FBXL7: variants seen among roughly 807,000 people sequenced by gnomAD.
The protein encoded by FBXL7 is F-box/LRR-repeat protein 7.
A neutral mutation model predicts 38.3 loss-of-function variants in FBXL7; 12 were observed. The observed-to-expected ratio is 0.31, with a 90% CI of 0.20 to 0.51. The LOEUF is 0.51. FBXL7 is among the 20% of genes least tolerant of loss of function. The probability of loss-of-function intolerance (pLI) is 0.98; values close to 1 mark genes in which losing one functional copy is unlikely to be tolerated. For synonymous variants in FBXL7, 297 were observed against 300.9 expected (o/e 0.99, Z 0.13); for missense variants, 567 against 676.4 (o/e 0.84, Z 1.79).
chr5:15,822,051 C>T (rs1738183098), intron 2 of FBXL7, among the ~76,000 whole-genome samples: 1 of 151,876 alleles, frequency 6.6e-6, no homozygotes, highest in African/African-American at 2.4e-5. Context: ...AATCATGTCC[C>T]CTAAAACATG....
rs78304646 is a variant in FBXL7 at position 15,627,308 on chromosome 5, G to T, written c.127+11236G>T. Among the ~76,000 whole-genome samples the T allele has an allele frequency of 4.7e-3, 715 of 152,260 alleles. 4 individuals are homozygous for T. Among genetic ancestry groups the T allele is most frequent in the African/African-American group, 0.017 (695 of 41,546 alleles). ...GTCTAAAGCAGAAGGGAGTGGGTGT[G>T]GGTTGGAGGAATCAGGACACCCTCA... is the stretch of plus-strand genomic sequence containing the variant. On this transcript the variant is annotated intron_variant, in intron 2 of 3. Transcript: ENST00000504595.
intron 2 of FBXL7, among the ~76,000 whole-genome samples, chr5:15,884,141 C>T (rs2126346332): frequency 6.6e-6 from 1 of 152,312 alleles, no homozygotes; most frequent in African/African-American, 2.4e-5. Context: ...TCTAGGCAGC[C>T]ACCATCTCCC....
intron 2 of FBXL7, among the ~76,000 whole-genome samples, chr5:15,653,238 C>G: frequency 6.6e-6 from 1 of 152,072 alleles, no homozygotes; most frequent in East Asian, 1.9e-4. Flanking sequence ...AAAGTGAATT[C>G]CTGCTGTTGA....
At chr5:15,614,396 A>C (rs1740372723) in intron 1 of FBXL7, among the ~76,000 whole-genome samples, 1 of 151,646 alleles carries the variant, frequency 6.6e-6, no homozygotes, top group Non-Finnish European at 1.5e-5. Context: ...CAGACTCCCG[A>C]GTAGCTAGGA....
chr5:15,625,515 G>A (rs746735251), intron 2 of FBXL7, among the ~76,000 whole-genome samples: 6 of 152,070 alleles, frequency 3.9e-5, no homozygotes, highest in Non-Finnish European at 8.8e-5. Flanking sequence ...TTAGCTGAGT[G>A]TAGTGGCATG....
intron 1 of FBXL7, among the ~76,000 whole-genome samples, chr5:15,611,561 A>G (rs988495786): frequency 1.3e-5 from 2 of 152,140 alleles, no homozygotes; most frequent in Non-Finnish European, 2.9e-5. Flanking sequence ...CCAAATTGAT[A>G]TTGATCAATT....
chr5:15,622,381 C>T (rs2126529188), intron 2 of FBXL7, among the ~76,000 whole-genome samples: 1 of 152,096 alleles, frequency 6.6e-6, no homozygotes, highest in South Asian at 2.1e-4. Context: ...TGGTGTGCTG[C>T]ACCCATTAAC....
rs189070181 is a variant in FBXL7 at position 15,793,460 on chromosome 5, A to G, written c.128-134430A>G. On this transcript the variant is annotated intron_variant, in intron 2 of 3. Transcript: ENST00000504595. ...GATGTCTCTTATAAGGATACTTATT[A>G]TTGGATTTGGGGCCCATTTGGATAA... is the stretch of plus-strand genomic sequence containing the variant. Among the ~76,000 whole-genome samples the G allele has an allele frequency of 4.7e-3, 723 of 152,268 alleles. 4 individuals are homozygous for G. The highest frequency in any genetic ancestry group is 0.016 in the African/African-American group (672 of 41,546).
chr5:15,737,243 A>G (rs2126670587), intron 2 of FBXL7, among the ~76,000 whole-genome samples: 1 of 152,226 alleles, frequency 6.6e-6, no homozygotes, highest in East Asian at 1.9e-4. Context: ...TGTTACAGCT[A>G]ATGGTTTCCA....
intron 1 of FBXL7, among the ~76,000 whole-genome samples, chr5:15,567,249 T>C (rs368030944): frequency 6.6e-6 from 1 of 152,074 alleles, no homozygotes; most frequent in African/African-American, 2.4e-5. Context: ...ATGAAGGGAG[T>C]TATTTTAGTA....
Position 15,590,298 on chromosome 5 carries a change from A to G in FBXL7, c.38-25685A>G, listed in dbSNP as rs1739432550. ...TGGATTTATTGATTTATTTTCAACC[A>G]TCATTGCTACCTCCATAACAGCTTT... On this transcript the variant is annotated intron_variant, in intron 1 of 3. Coordinates refer to ENST00000504595, the MANE Select transcript of FBXL7 (RefSeq NM_012304.5). Among the ~76,000 whole-genome samples the G allele has an allele frequency of 2.0e-5, 3 of 152,186 alleles. No homozygotes were observed. The South Asian group carries it at 6.2e-4, about 32-fold the overall frequency.
intron 2 of FBXL7, among the ~76,000 whole-genome samples, chr5:15,923,403 TATAATA>T (rs1052307186): frequency 6.6e-6 from 1 of 152,222 alleles, no homozygotes; most frequent in African/African-American, 2.4e-5. Flanking sequence ...TGGTACTCTT[TATAATA>T]ATATCTAGTG....
intron 2 of FBXL7, among the ~76,000 whole-genome samples, chr5:15,771,853 C>T (rs776660899): frequency 1.3e-4 from 19 of 150,784 alleles, no homozygotes; most frequent in Admixed American, 5.3e-4. Context: ...CTGAAACTTC[C>T]GCCTGCTGGG....
chr5:15,506,061 A>C (rs1472366426), intron 1 of FBXL7, among the ~76,000 whole-genome samples: 2 of 152,198 alleles, frequency 1.3e-5, no homozygotes, highest in Admixed American at 6.5e-5. Flanking sequence ...TCACAGTTTT[A>C]CGGATAGAAT....
chr5:15,893,724 T>C (rs1741004311), intron 2 of FBXL7, among the ~76,000 whole-genome samples: 1 of 152,246 alleles, frequency 6.6e-6, no homozygotes, highest in Non-Finnish European at 1.5e-5. Flanking sequence ...TATCCAATTG[T>C]GATCAAAATA....
chr5:15,918,058 G>T lies in FBXL7; in HGVS notation c.128-9832G>T, dbSNP rs146827893. On this transcript the variant is annotated intron_variant, in intron 2 of 3. Coordinates refer to ENST00000504595, the MANE Select transcript of FBXL7 (RefSeq NM_012304.5). ...GTTCGAAGCCAGCCTGGCCAACATG[G>T]TGAAACCCCATCTCTACAAAAAATA... Among the ~76,000 whole-genome samples, 1,429 of 152,108 alleles carry T rather than the reference G, an allele frequency of 9.4e-3. 15 individuals are homozygous for T. The highest frequency in any genetic ancestry group is 0.031 in the African/African-American group (1,295 of 41,478).
chr5:15,707,620 G>A (rs1743731944), intron 2 of FBXL7, among the ~76,000 whole-genome samples: 1 of 152,152 alleles, frequency 6.6e-6, no homozygotes, highest in Admixed American at 6.5e-5. Context: ...CAGAGGAGGA[G>A]CAGAAGCTTG....
chr5:15,726,107 T>A (rs1335210777), intron 2 of FBXL7, among the ~76,000 whole-genome samples: 1 of 152,222 alleles, frequency 6.6e-6, no homozygotes, highest in Non-Finnish European at 1.5e-5. Flanking sequence ...AAATTTTTCA[T>A]ATGTAATGTC....
At chr5:15,507,841 G>A (rs544427490) in intron 1 of FBXL7, among the ~76,000 whole-genome samples, 2 of 152,152 alleles carry the variant, frequency 1.3e-5, no homozygotes, top group South Asian at 2.1e-4. Context: ...TCAGGAGTTC[G>A]AGACCAGCAT....
Sources: gnomAD v4.1 joint callset for allele counts (sites outside exome capture counted in the v4.1 genomes callset) on GRCh38, gnomAD v4.1.1 for gene constraint, MANE v1.5 for transcripts, NCBI Gene and HGNC (gene_info 2026-07-23, HGNC 2026-07-21) for gene names.